The following SLC7A8 variants were observed in gnomAD, a reference collection of about 807,000 sequenced individuals.
SLC7A8 encodes the protein solute carrier family 7 member 8.
SLC7A8 carries 30 observed loss-of-function variants against 51.2 expected under a neutral mutation model. The observed-to-expected ratio is 0.59, with a 90% confidence interval of 0.44 to 0.80. The LOEUF (loss-of-function observed/expected upper bound fraction) is 0.80. SLC7A8 is among the 30% of genes least tolerant of loss of function. SLC7A8 has a pLI of 0.00. For synonymous variants in SLC7A8, 257 were observed against 275.8 expected (o/e 0.93, Z 0.67); for missense variants, 612 against 674.4 (o/e 0.91, Z 1.03).
chr14:23,161,516 C>T (rs753794852), intron 3 of SLC7A8, among the ~76,000 whole-genome samples: 1 of 143,324 alleles, frequency 7.0e-6, no homozygotes, highest in Non-Finnish European at 1.5e-5. Context: ...TCAAAAGAGA[C>T]ACAGGCTGGG....
intron 8 of SLC7A8, among the ~76,000 whole-genome samples, chr14:23,130,672 G>A (rs1209532124): frequency 6.6e-6 from 1 of 152,198 alleles, no homozygotes; most frequent in Non-Finnish European, 1.5e-5. Flanking sequence ...AACCAGTCAA[G>A]GTGACCTTCA....
intron 3 of SLC7A8, among the ~76,000 whole-genome samples, chr14:23,144,653 TA>T (rs1263308686): frequency 6.6e-6 from 1 of 152,170 alleles, no homozygotes; most frequent in African/African-American, 2.4e-5. Context: ...AACATTTGGT[TA>T]GGGTAGGATG....
chr14:23,156,989 C>T (rs1380068229), intron 3 of SLC7A8, among the ~76,000 whole-genome samples: 1 of 152,210 alleles, frequency 6.6e-6, no homozygotes, highest in African/African-American at 2.4e-5. Flanking sequence ...TCTCAGGTAA[C>T]TTACTTACTC....
rs1364506906 is a variant in SLC7A8, at chr14:23,129,641, TTC to T, written c.1263+7_1263+8del. The T allele has an allele frequency of 6.2e-7, 1 of 1,613,264 alleles. No homozygotes were observed. The highest frequency in any genetic ancestry group is 8.5e-7 in the Non-Finnish European group (1 of 1,179,712). On this transcript the variant is annotated splice_region_variant and intron_variant, in intron 9 of 10. Transcript: ENST00000316902. The stretch of plus-strand genomic sequence containing the variant: ...AAGGGGAGGGGACCCCAAAGGGAGT[TTC>T]TCTCACCTTGATGGGGCGGGGGATA...
chr14:23,169,465 G>A (rs1338696917), intron 1 of SLC7A8, among the ~76,000 whole-genome samples: 1 of 152,214 alleles, frequency 6.6e-6, no homozygotes, highest in African/African-American at 2.4e-5. Flanking sequence ...GGAGTGCAGT[G>A]GCACGATCTT....
intron 1 of SLC7A8, among the ~76,000 whole-genome samples, chr14:23,169,237 A>G (rs1318571480): frequency 6.6e-6 from 1 of 152,174 alleles, no homozygotes; most frequent in African/African-American, 2.4e-5. Context: ...ATGCGCCTAT[A>G]GTCCCAGATA....
At chr14:23,166,610 A>G in intron 1 of SLC7A8, 70 bp from the exon 2 acceptor site, 1 of 1,522,586 alleles carries the variant, frequency 6.6e-7, no homozygotes, top group Non-Finnish European at 9.1e-7. Flanking sequence ...TGGCATTTGG[A>G]GGGTGGTCTC....
intron 3 of SLC7A8, among the ~76,000 whole-genome samples, chr14:23,151,520 A>G (rs114260006): frequency 0.023 from 3,490 of 152,118 alleles, 134 homozygotes; most frequent in African/African-American, 0.079. Context: ...GACAGTAGAG[A>G]CTGAGGTGGG....
chr14:23,147,504 G>A (rs1368832629), intron 3 of SLC7A8, among the ~76,000 whole-genome samples: 1 of 152,190 alleles, frequency 6.6e-6, no homozygotes, highest in Non-Finnish European at 1.5e-5. Context: ...AGGAGACCCT[G>A]GCAACATGGA....
chr14:23,163,378 G>A (rs55967228), intron 3 of SLC7A8, among the ~76,000 whole-genome samples: 8,112 of 152,250 alleles, frequency 0.053, 775 homozygotes, highest in African/African-American at 0.19. Context: ...TGGTTTTGGA[G>A]CCTGCATTCC....
rs373065208 is a variant in SLC7A8 at position 23,166,414 on chromosome 14, T to C, written c.278A>G (p.Tyr93Cys). The change falls in exon 2 of 11, where the codon TAT becomes TGT. Residue 93 changes from tyrosine to cysteine, a missense_variant. By Grantham distance (194) the Tyr-to-Cys change is radical. Transcript: ENST00000316902. ...GFITVVGALC[Y>C]AELGVTIPKS... The stretch of plus-strand genomic sequence containing the variant: ...GGGGATGGTGACCCCGAGTTCAGCA[T>C]AGCAGAGGGCTCCCACAACTGTGAT... 2 of 1,614,172 alleles carry C rather than the reference T, an allele frequency of 1.2e-6. No homozygotes were observed. Among genetic ancestry groups the C allele is most frequent in the South Asian group, 1.1e-5 (1 of 91,084 alleles).
chr14:23,133,286 A>G (rs990962959), intron 7 of SLC7A8, among the ~76,000 whole-genome samples: 8 of 152,058 alleles, frequency 5.3e-5, no homozygotes, highest in African/African-American at 1.9e-4. Context: ...AAAAATAAAA[A>G]TAAAATTAGC....
At chr14:23,158,023 A>G (rs1254840726) in intron 3 of SLC7A8, among the ~76,000 whole-genome samples, 1 of 152,202 alleles carries the variant, frequency 6.6e-6, no homozygotes, top group Non-Finnish European at 1.5e-5. Flanking sequence ...CCGCGGCATC[A>G]ATAGAGGACA....
At chr14:23,182,660 T>C in intron 1 of SLC7A8, 104 bp downstream of exon 1, 2 of 1,325,030 alleles carry the variant, frequency 1.5e-6, no homozygotes, top group Non-Finnish European at 1.0e-6. Context: ...TGACAATCCT[T>C]TTCTAAGGAA....
intron 1 of SLC7A8, among the ~76,000 whole-genome samples, chr14:23,181,744 TTCTGGGAAGAA>T (rs1169283051): frequency 2.6e-5 from 4 of 152,228 alleles, no homozygotes; most frequent in African/African-American, 9.7e-5. Context: ...GCACTCCTTT[TTCTGGGAAGAA>T]AGTAAAGCCC....
chr14:23,180,471 T>G (rs550809124), intron 1 of SLC7A8, among the ~76,000 whole-genome samples: 2 of 152,168 alleles, frequency 1.3e-5, no homozygotes, highest in African/African-American at 2.4e-5. Context: ...CTAGCTTAAG[T>G]TGGGGTAGAA....
chr14:23,139,405 T>A lies in SLC7A8; in HGVS notation c.912+19A>T. 1.2e-6 allele frequency: 2 copies of A among 1,613,746 alleles called. No homozygotes were observed. The highest frequency in any genetic ancestry group is 1.7e-6 in the Non-Finnish European group (2 of 1,179,740). On this transcript the variant is annotated intron_variant, in intron 6 of 10. Transcript: ENST00000316902. ...TGTCTGCATTCCTGGTATGAGACTC[T>A]GGGACTTTCATTTCTTACCACAGCG...
chr14:23,149,564 C>T (rs2048828410), intron 3 of SLC7A8, among the ~76,000 whole-genome samples: 1 of 152,194 alleles, frequency 6.6e-6, no homozygotes. Context: ...AGATAGAAAG[C>T]TACGAGATTA....
intron 7 of SLC7A8, among the ~76,000 whole-genome samples, chr14:23,132,297 T>G (rs527441511): frequency 6.6e-6 from 1 of 151,854 alleles, no homozygotes; most frequent in Admixed American, 6.6e-5. Flanking sequence ...CCACCGCGCC[T>G]GGCCTAAAAA....
Sources: allele counts gnomAD v4.1 joint callset (sites outside exome capture counted in the v4.1 genomes callset), GRCh38; gene constraint gnomAD v4.1.1; transcripts MANE v1.5; gene names NCBI Gene and HGNC (gene_info 2026-07-23, HGNC 2026-07-21).